The following RBFOX1 variants were observed in gnomAD, a reference collection of about 807,000 sequenced individuals.
The protein encoded by RBFOX1 is RNA binding fox-1 homolog 1, also known as RNA binding protein fox-1 homolog 1.
In RBFOX1, 8 loss-of-function variants were observed where a neutral mutation model predicts 57.7. The observed-to-expected ratio is 0.14, with a 90% CI of 0.08 to 0.25. The LOEUF (loss-of-function observed/expected upper bound fraction) is 0.25, where lower values mean the gene tolerates loss of function less well. RBFOX1 is among the 10% of genes least tolerant of loss of function. RBFOX1 has a pLI of 1.00. For synonymous variants in RBFOX1, 326 were observed against 222.4 expected (o/e 1.47, Z -4.15); for missense variants, 611 against 548.5 (o/e 1.11, Z -1.14).
At chr16:5,686,481 C>T (rs1433035826) in intron 3 of RBFOX1, among the ~76,000 whole-genome samples, 5 of 152,116 alleles carry the variant, frequency 3.3e-5, no homozygotes, top group Admixed American at 2.6e-4. Context: ...TAGCTGTTTC[C>T]TGTGCCTCCA....
intron 2 of RBFOX1, among the ~76,000 whole-genome samples, chr16:6,543,601 T>C (rs2096854568): frequency 6.6e-6 from 1 of 152,134 alleles, no homozygotes; most frequent in South Asian, 2.1e-4. Context: ...TTTGCTGTTG[T>C]TTTGTTTTCC....
chr16:5,914,979 T>C (rs2058675226), intron 4 of RBFOX1, among the ~76,000 whole-genome samples: 1 of 152,184 alleles, frequency 6.6e-6, no homozygotes, highest in Admixed American at 6.5e-5. Context: ...TTTTATCACC[T>C]ACTATTGTGA....
At chr16:6,252,074 T>C (rs1240456407) in intron 1 of RBFOX1, among the ~76,000 whole-genome samples, 1 of 152,068 alleles carries the variant, frequency 6.6e-6, no homozygotes, top group African/African-American at 2.4e-5. Context: ...GCCCTGAGCA[T>C]TTCTAAGCAT....
rs889036905 is a variant in RBFOX1 at position 5,931,096 on chromosome 16, T to A, written c.351+63761T>A. ...CAGTAGGACCAAAAAGCTTAGATGT[T>A]GTCATTAGTACCCACCTCTTGCTCT... On this transcript the variant is annotated intron_variant, in intron 4 of 19. Transcript: ENST00000641259. 3.3e-5 allele frequency among the ~76,000 whole-genome samples: 5 copies of A among 152,260 alleles called. 1 individual carries two copies. The South Asian group carries it at 6.2e-4, about 19-fold the overall frequency.
intron 4 of RBFOX1, among the ~76,000 whole-genome samples, chr16:5,979,330 G>C (rs999966305): frequency 6.6e-6 from 1 of 152,132 alleles, no homozygotes; most frequent in African/African-American, 2.4e-5. Context: ...TGGGAGACTC[G>C]GATTGTAATG....
chr16:7,463,548 C>G (rs1267501784), intron 4 of RBFOX1, among the ~76,000 whole-genome samples: 1 of 152,122 alleles, frequency 6.6e-6, no homozygotes, highest in Admixed American at 6.6e-5. Flanking sequence ...AGAGTCCTAC[C>G]CTTATGATGT....
At chr16:7,235,657 C>G (rs1371680559) in intron 4 of RBFOX1, among the ~76,000 whole-genome samples, 1 of 152,158 alleles carries the variant, frequency 6.6e-6, no homozygotes. Context: ...TATGATGCCT[C>G]CCTCTGCCAT....
At position 5,919,044 on chromosome 16, in the gene RBFOX1, C is replaced by T. The variant is rs574889135; in HGVS notation, c.351+51709C>T. ...GCCTCTCAGGAAGGAATCATATATC[C>T]ACGTCTTTCCCAGTGTCTGAGAGCT... On this transcript the variant is annotated intron_variant, in intron 4 of 19. Coordinates refer to the RBFOX1 transcript ENST00000641259. Among the ~76,000 whole-genome samples, 22 of 152,280 alleles carry T rather than the reference C, an allele frequency of 1.4e-4. No individual in the cohort carries two copies. In the South Asian group the frequency reaches 3.1e-3, roughly 22 times the overall value.
chr16:7,555,171 C>G (rs1395897414), intron 5 of RBFOX1, among the ~76,000 whole-genome samples: 1 of 152,090 alleles, frequency 6.6e-6, no homozygotes, highest in African/African-American at 2.4e-5. Context: ...GATTTAAGTA[C>G]AGAAAGAAAA....
At chr16:5,395,135 C>T (rs906259020) in intron 1 of RBFOX1, among the ~76,000 whole-genome samples, 2 of 152,174 alleles carry the variant, frequency 1.3e-5, no homozygotes, top group African/African-American at 2.4e-5. Flanking sequence ...CAGGGAACTA[C>T]CTGCCAGTTT....
intron 3 of RBFOX1, among the ~76,000 whole-genome samples, chr16:7,000,617 T>TTTG (rs2092704754): frequency 7.3e-6 from 1 of 137,356 alleles, no homozygotes; most frequent in Non-Finnish European, 1.5e-5. Flanking sequence ...TTTTTTTTTT[T>TTTG]GAGACAGAGT....
chr16:6,808,176 G>GTGTC (rs2087412680), intron 3 of RBFOX1, among the ~76,000 whole-genome samples: 1 of 143,786 alleles, frequency 7.0e-6, no homozygotes, highest in South Asian at 2.2e-4. Flanking sequence ...GTGTGTGTGT[G>GTGTC]TGTATATATA....
At chr16:6,817,650 C>T (rs2090380776) in intron 3 of RBFOX1, among the ~76,000 whole-genome samples, 1 of 151,512 alleles carries the variant, frequency 6.6e-6, no homozygotes, top group South Asian at 2.1e-4. Flanking sequence ...TTGCAGTGAG[C>T]TGAGATTGCA....
chr16:5,918,412 G>A (rs1297731587), intron 4 of RBFOX1, among the ~76,000 whole-genome samples: 1 of 152,156 alleles, frequency 6.6e-6, no homozygotes, highest in African/African-American at 2.4e-5. Flanking sequence ...GAGCAACCAC[G>A]CCCAGCCAGT....
At chr16:5,375,474 A>G (rs1219960580) in intron 1 of RBFOX1, among the ~76,000 whole-genome samples, 1 of 152,150 alleles carries the variant, frequency 6.6e-6, no homozygotes, top group Non-Finnish European at 1.5e-5. Flanking sequence ...AGTGACGGTG[A>G]TAAGTCGGGT....
At chr16:6,581,015 A>C (rs2153973159) in intron 2 of RBFOX1, among the ~76,000 whole-genome samples, 1 of 152,186 alleles carries the variant, frequency 6.6e-6, no homozygotes, top group East Asian at 1.9e-4. Context: ...AGAATGTGAA[A>C]AATGTGATTT....
Position 7,149,641 on chromosome 16 carries a change from G to A in RBFOX1, c.27+97543G>A, listed in dbSNP as rs950415965. ...GCTGGGATTACAGGTGCACACCACC[G>A]TGCCCAGCTATATGCCCCCGCAGGC... On this transcript the variant is annotated intron_variant, in intron 4 of 15. Coordinates refer to ENST00000550418, the MANE Select transcript of RBFOX1 (RefSeq NM_018723.4). 4.0e-5 allele frequency among the ~76,000 whole-genome samples: 6 copies of A among 151,548 alleles called. 1 individual carries two copies. Among genetic ancestry groups the A allele is most frequent in the East Asian group, 3.9e-4 (2 of 5,124 alleles).
chr16:6,353,374 G>C (rs1462807961), intron 2 of RBFOX1, among the ~76,000 whole-genome samples: 1 of 151,598 alleles, frequency 6.6e-6, no homozygotes, highest in African/African-American at 2.4e-5. Flanking sequence ...ATGGGTATTA[G>C]CTCATTTGCC....
At chr16:7,388,644 C>CTTTTTTTTTTTTT (rs61629644) in intron 4 of RBFOX1, among the ~76,000 whole-genome samples, 1 of 92,620 alleles carries the variant, frequency 1.1e-5, no homozygotes, top group African/African-American at 4.2e-5. Context: ...GTTTCACTTA[C>CTTTTTTTTTTTTT]TTTTTTTTTT....
Sources: gnomAD v4.1 joint callset for allele counts (sites outside exome capture counted in the v4.1 genomes callset) on GRCh38, gnomAD v4.1.1 for gene constraint, MANE v1.5 for transcripts, NCBI Gene and HGNC (gene_info 2026-07-23, HGNC 2026-07-21) for gene names.